LINGO2: variants seen among roughly 807,000 people sequenced by gnomAD.
The protein encoded by LINGO2 is leucine rich repeat and Ig domain containing 2, also known as leucine-rich repeat and immunoglobulin-like domain-containing nogo receptor-interacting protein 2.
Under a neutral mutation model 30.6 loss-of-function variants are expected in LINGO2, and 14 were observed. That is an observed-to-expected ratio of 0.46 (90% CI 0.30 to 0.72). The LOEUF is 0.72. Ranked by LOEUF, LINGO2 falls within the 30% of genes least tolerant of loss-of-function variation. The pLI, the probability that LINGO2 is intolerant of heterozygous loss-of-function variation, is 0.07. For missense variants in LINGO2, 729 were observed against 751.7 expected (o/e 0.97, Z 0.35); for synonymous variants, 317 against 288.5 (o/e 1.10, Z -1.00).
At chr9:27,980,218 C>G (rs141474701) in intron 5 of LINGO2, among the ~76,000 whole-genome samples, 3 of 151,946 alleles carry the variant, frequency 2.0e-5, no homozygotes, top group Non-Finnish European at 4.4e-5. Flanking sequence ...AAGAAAGACA[C>G]AGCTTTAGCT....
chr9:28,182,146 C>G (rs1039731971), intron 4 of LINGO2, among the ~76,000 whole-genome samples: 5 of 152,116 alleles, frequency 3.3e-5, no homozygotes, highest in African/African-American at 1.2e-4. Flanking sequence ...ATAGAGACCT[C>G]AGAAACAACA....
intron 2 of LINGO2, among the ~76,000 whole-genome samples, chr9:28,412,138 A>G (rs1296256008): frequency 2.1e-5 from 3 of 141,108 alleles, no homozygotes; most frequent in African/African-American, 7.9e-5. Flanking sequence ...ACATTATACT[A>G]CTTTGTCTGC....
chr9:28,345,548 A>G (rs1819533222), intron 3 of LINGO2, among the ~76,000 whole-genome samples: 1 of 152,188 alleles, frequency 6.6e-6, no homozygotes, highest in African/African-American at 2.4e-5. Flanking sequence ...AGTGTTGTTC[A>G]TTATATAATG....
intron 5 of LINGO2, among the ~76,000 whole-genome samples, chr9:27,967,071 G>A (rs1322518969): frequency 6.6e-6 from 1 of 152,168 alleles, no homozygotes; most frequent in Non-Finnish European, 1.5e-5. Context: ...GGTGCTGAAT[G>A]CACCTAGACA....
chr9:28,396,473 G>C (rs997890583), intron 2 of LINGO2, among the ~76,000 whole-genome samples: 3 of 152,010 alleles, frequency 2.0e-5, no homozygotes, highest in African/African-American at 7.2e-5. Flanking sequence ...GGGAGGCCGA[G>C]GCAGGCGGAT....
intron 5 of LINGO2, among the ~76,000 whole-genome samples, chr9:28,002,345 G>A (rs1359535041): frequency 6.6e-6 from 1 of 151,772 alleles, no homozygotes; most frequent in African/African-American, 2.4e-5. Flanking sequence ...ATCAGCAAGT[G>A]GTTCTAAATT....
At chr9:28,290,711 T>C (rs922820031) in intron 4 of LINGO2, among the ~76,000 whole-genome samples, 1 of 152,124 alleles carries the variant, frequency 6.6e-6, no homozygotes, top group Non-Finnish European at 1.5e-5. Flanking sequence ...TGGCATCTCA[T>C]TGTCTGGATG....
chr9:28,895,118 C>G, the LINGO2 span, among the ~76,000 whole-genome samples: 4 of 152,176 alleles, frequency 2.6e-5, no homozygotes, highest in Admixed American at 2.0e-4. Context: ...AAAACTATTT[C>G]AAACTTCATA....
chr9:28,873,391 GA>G, the LINGO2 span, among the ~76,000 whole-genome samples: 9,872 of 122,910 alleles, frequency 0.08, 1,039 homozygotes, highest in African/African-American at 0.25. Flanking sequence ...AAAAAAAAAA[GA>G]AAAAAAAAAA....
At chr9:28,269,437 G>C (rs538422656) in intron 4 of LINGO2, among the ~76,000 whole-genome samples, 24 of 151,996 alleles carry the variant, frequency 1.6e-4, no homozygotes, top group Non-Finnish European at 2.6e-4. Context: ...AACTAAATCT[G>C]TTTTAATTTT....
chr9:28,569,707 C>T (rs1563832388), intron 1 of LINGO2, among the ~76,000 whole-genome samples: 1 of 151,818 alleles, frequency 6.6e-6, no homozygotes, highest in Non-Finnish European at 1.5e-5. Context: ...ATCTAACATA[C>T]AGCATGGTTA....
intron 5 of LINGO2, among the ~76,000 whole-genome samples, chr9:27,967,659 C>T (rs1338741729): frequency 6.6e-6 from 1 of 152,130 alleles, no homozygotes; most frequent in Non-Finnish European, 1.5e-5. Flanking sequence ...GTCTATCTAT[C>T]TATTTATATC....
At chr9:28,854,197 G>A in the LINGO2 span, among the ~76,000 whole-genome samples, 9 of 151,858 alleles carry the variant, frequency 5.9e-5, no homozygotes, top group Non-Finnish European at 1.2e-4. Flanking sequence ...TGCCAATAAT[G>A]CCATGGCGGA....
chr9:29,107,232 T>A, the LINGO2 span, among the ~76,000 whole-genome samples: 2 of 152,112 alleles, frequency 1.3e-5, no homozygotes, highest in Non-Finnish European at 2.9e-5. Context: ...TCAACAAAAT[T>A]ATGCAATCAT....
the LINGO2 span, among the ~76,000 whole-genome samples, chr9:29,000,305 G>A: frequency 1.3e-5 from 2 of 151,752 alleles, no homozygotes; most frequent in South Asian, 2.1e-4. Flanking sequence ...TTTTTAAAAA[G>A]ACTTAATATA....
the LINGO2 span, among the ~76,000 whole-genome samples, chr9:28,908,964 A>C: frequency 7.9e-5 from 12 of 151,768 alleles, no homozygotes; most frequent in African/African-American, 2.7e-4. Flanking sequence ...TGGTATATAG[A>C]TATTTTAGGT....
intron 1 of LINGO2, among the ~76,000 whole-genome samples, chr9:28,532,805 C>T (rs1821286117): frequency 6.6e-6 from 1 of 152,052 alleles, no homozygotes; most frequent in Admixed American, 6.6e-5. Context: ...CTACAAGTAT[C>T]TCTACCCTGA....
At chr9:28,975,089 C>T in the LINGO2 span, among the ~76,000 whole-genome samples, 1 of 151,988 alleles carries the variant, frequency 6.6e-6, no homozygotes, top group Non-Finnish European at 1.5e-5. Flanking sequence ...AGTATGACTT[C>T]CTTAACTTCT....
At chr9:27,981,534 C>CAAAAAAAAAAAAAAAAAAAAAAAAAAAA (rs763284293) in intron 5 of LINGO2, among the ~76,000 whole-genome samples, 20 of 39,840 alleles carry the variant, frequency 5.0e-4, no homozygotes, top group South Asian at 8.1e-4. Flanking sequence ...ACGAGGATGG[C>CAAAAAAAAAAAAAAAAAAAAAAAAAAAA]AAAAAAAAAA....
Sources: allele counts gnomAD v4.1 joint callset (sites outside exome capture counted in the v4.1 genomes callset), GRCh38; gene constraint gnomAD v4.1.1; transcripts MANE v1.5; gene names NCBI Gene and HGNC (gene_info 2026-07-23, HGNC 2026-07-21).